FAM135B: variants seen among roughly 807,000 people sequenced by gnomAD.
The protein encoded by FAM135B is family with sequence similarity 135 member B.
FAM135B carries 43 observed loss-of-function variants against 127.7 expected under a neutral mutation model. That is an observed-to-expected ratio of 0.34 (90% CI 0.26 to 0.43). The LOEUF is 0.43. Ranked by LOEUF, FAM135B falls within the 20% of genes least tolerant of loss-of-function variation. The probability of loss-of-function intolerance (pLI) is 1.00; values close to 1 mark genes in which losing one functional copy is unlikely to be tolerated. For missense variants in FAM135B, 1,558 were observed against 1,725.6 expected (o/e 0.90, Z 1.72); for synonymous variants, 670 against 665.1 (o/e 1.01, Z -0.11).
intron 1 of FAM135B, among the ~76,000 whole-genome samples, chr8:138,461,789 A>G (rs1180497046): frequency 2.0e-5 from 3 of 152,182 alleles, no homozygotes; most frequent in African/African-American, 4.8e-5. Flanking sequence ...TACAAGACAT[A>G]GCCACATTGG....
At chr8:138,349,611 A>G (rs1026487580) in intron 2 of FAM135B, among the ~76,000 whole-genome samples, 3 of 151,928 alleles carry the variant, frequency 2.0e-5, no homozygotes, top group Non-Finnish European at 4.4e-5. Flanking sequence ...CACAAATGAC[A>G]TATTTGATAT....
chr8:138,232,637 A>G (rs1002442701), intron 7 of FAM135B, among the ~76,000 whole-genome samples: 3 of 152,206 alleles, frequency 2.0e-5, no homozygotes, highest in Non-Finnish European at 2.9e-5. Context: ...TGTAATTTTA[A>G]TGGGGGAAAG....
intron 3 of FAM135B, among the ~76,000 whole-genome samples, chr8:138,280,467 T>C (rs760963939): frequency 1.4e-4 from 21 of 152,152 alleles, no homozygotes; most frequent in Non-Finnish European, 2.6e-4. Flanking sequence ...TGGCCCTTTA[T>C]ATGCTGCTGG....
rs373538797 is a variant in FAM135B at position 138,363,619 on chromosome 8, T to C, written c.77+4288A>G. 5.0e-4 allele frequency among the ~76,000 whole-genome samples: 76 copies of C among 152,354 alleles called. 2 individuals carry two copies. Among genetic ancestry groups the C allele is most frequent in the African/African-American group, 1.7e-3 (72 of 41,582 alleles). ...AGACTTTGGATGAAGGCATGTTGAC[T>C]GTTCGCTCAAAGCCAACATCATTAC... On this transcript the variant is annotated intron_variant, in intron 2 of 19. Coordinates refer to ENST00000395297, the MANE Select transcript of FAM135B (RefSeq NM_015912.4).
chr8:138,347,650 G>A lies in FAM135B; in HGVS notation c.77+20257C>T, dbSNP rs143813439. Among the ~76,000 whole-genome samples, 347 of 152,160 alleles carry A rather than the reference G, an allele frequency of 2.3e-3. 1 individual carries two copies. The highest frequency in any genetic ancestry group is 8.1e-3 in the African/African-American group (336 of 41,520). ...TCTTAAGATGATACAAGTTGCAGTC[G>A]TCAGTCACCTACCATCATCACTCTG... On this transcript the variant is annotated intron_variant, in intron 2 of 19. Transcript: ENST00000395297.
At chr8:138,436,364 G>A (rs145142664) in intron 1 of FAM135B, among the ~76,000 whole-genome samples, 191 of 152,090 alleles carry the variant, frequency 1.3e-3, no homozygotes, top group East Asian at 8.3e-3. Context: ...AATGCATAGC[G>A]GCACTGTGAT....
intron 3 of FAM135B, among the ~76,000 whole-genome samples, chr8:138,304,191 G>A (rs1826077171): frequency 6.6e-6 from 1 of 152,176 alleles, no homozygotes; most frequent in Non-Finnish European, 1.5e-5. Context: ...CTCCCATCCT[G>A]AGACAAGGGA....
rs2131684856 is a variant in FAM135B at position 138,483,980 on chromosome 8, C to T, written c.-20+12691G>A. Among the ~76,000 whole-genome samples, 4 of 152,282 alleles carry T rather than the reference C, an allele frequency of 2.6e-5. 1 individual carries two copies. The South Asian group carries it at 8.3e-4, about 32-fold the overall frequency. On this transcript the variant is annotated intron_variant, in intron 1 of 19. Transcript: ENST00000395297. ...ATACAAATAAGAAAGAGCAGATCTG[C>T]AATTTTAGTAAATGCTCCTTTTTTC...
intron 2 of FAM135B, among the ~76,000 whole-genome samples, chr8:138,311,806 T>C (rs1826704163): frequency 6.6e-6 from 1 of 152,146 alleles, no homozygotes; most frequent in Non-Finnish European, 1.5e-5. Flanking sequence ...TTGCTTGTTT[T>C]TAATGTATAA....
chr8:138,484,475 C>T (rs73717277), intron 1 of FAM135B, among the ~76,000 whole-genome samples: 39 of 152,220 alleles, frequency 2.6e-4, no homozygotes, highest in African/African-American at 9.2e-4. Context: ...CAGCTTCTGG[C>T]GACTGTGTGA....
intron 7 of FAM135B, among the ~76,000 whole-genome samples, chr8:138,234,334 T>C (rs2130254815): frequency 6.6e-6 from 1 of 152,292 alleles, no homozygotes; most frequent in East Asian, 1.9e-4. Flanking sequence ...AAAAATATAA[T>C]TATTATGTGA....
At chr8:138,394,720 T>C (rs765472797) in intron 1 of FAM135B, among the ~76,000 whole-genome samples, 9 of 152,138 alleles carry the variant, frequency 5.9e-5, no homozygotes, top group Non-Finnish European at 1.3e-4. Context: ...CTGTGTGAGT[T>C]TGTGTTCCTA....
intron 2 of FAM135B, among the ~76,000 whole-genome samples, chr8:138,340,848 G>A (rs538367268): frequency 6.6e-6 from 1 of 152,090 alleles, no homozygotes; most frequent in South Asian, 2.1e-4. Context: ...TCTTGGCAGT[G>A]GTAAATGGCC....
intron 1 of FAM135B, among the ~76,000 whole-genome samples, 195 bp downstream of exon 1, chr8:138,496,476 C>A (rs901641940): frequency 1.3e-5 from 2 of 152,204 alleles, no homozygotes; most frequent in African/African-American, 4.8e-5. Context: ...CTTATCCCCT[C>A]AAGACCTGTC....
At chr8:138,420,780 C>G (rs28836504) in intron 1 of FAM135B, among the ~76,000 whole-genome samples, 6 of 152,112 alleles carry the variant, frequency 3.9e-5, no homozygotes, top group Admixed American at 1.3e-4. Flanking sequence ...AGGCTTTCAA[C>G]GAAATTCAAC....
At chr8:138,445,917 C>T (rs1364628174) in intron 1 of FAM135B, among the ~76,000 whole-genome samples, 2 of 152,254 alleles carry the variant, frequency 1.3e-5, no homozygotes, top group East Asian at 3.9e-4. Flanking sequence ...ATCATCTCAG[C>T]CCAAAATCTC....
intron 7 of FAM135B, among the ~76,000 whole-genome samples, chr8:138,215,137 ATATCTAGAGTC>A (rs1320543673): frequency 3.9e-5 from 6 of 152,196 alleles, no homozygotes; most frequent in Non-Finnish European, 8.8e-5. Context: ...ACATGATTAA[ATATCTAGAGTC>A]TAACAGCCTG....
chr8:138,427,644 C>A (rs889545183), intron 1 of FAM135B, among the ~76,000 whole-genome samples: 2 of 151,924 alleles, frequency 1.3e-5, no homozygotes, highest in African/African-American at 4.8e-5. Flanking sequence ...TAAGGTTAGG[C>A]CACTACATTG....
At position 138,403,415 on chromosome 8, in the gene FAM135B, T is replaced by A. The variant is rs143577610; in HGVS notation, c.-19-35413A>T. Reference sequence around the variant, plus strand: ...TCCAAGTCAAGTCTATTGGGAGGGTTCATTCAAACAGGTCACCAAATTGTT... The same window carrying A: ...TCCAAGTCAAGTCTATTGGGAGGGTACATTCAAACAGGTCACCAAATTGTT... On this transcript the variant is annotated intron_variant, in intron 1 of 19. Transcript: ENST00000395297. Among the ~76,000 whole-genome samples, 9 of 152,244 alleles carry A rather than the reference T, an allele frequency of 5.9e-5. No individual in the cohort carries two copies. The East Asian group carries it at 1.7e-3, about 29-fold the overall frequency.
Sources: allele counts gnomAD v4.1 joint callset (sites outside exome capture counted in the v4.1 genomes callset), GRCh38; gene constraint gnomAD v4.1.1; transcripts MANE v1.5; gene names NCBI Gene and HGNC (gene_info 2026-07-23, HGNC 2026-07-21).